CD96: variants seen among roughly 807,000 people sequenced by gnomAD.
CD96 encodes the protein CD96 molecule.
Under a neutral mutation model 71.3 loss-of-function variants are expected in CD96, and 70 were observed. The ratio of observed to expected loss-of-function variants is 0.98; its 90% CI spans 0.81 to 1.20. The LOEUF (loss-of-function observed/expected upper bound fraction) is 1.20, where lower values mean the gene tolerates loss of function less well. CD96 is among the 50% of genes most tolerant of loss of function. CD96 has a pLI of 0.00. For missense variants in CD96, 742 were observed against 677.5 expected, an observed-to-expected ratio of 1.10 and a Z score of -1.06; for synonymous variants, 248 against 233.0, an observed-to-expected ratio of 1.06 and a Z score of -0.59.
At chr3:111,643,810 C>T (rs1939705316) in intron 12 of CD96, among the ~76,000 whole-genome samples, 1 of 149,060 alleles carries the variant, frequency 6.7e-6, no homozygotes, top group Non-Finnish European at 1.5e-5. Flanking sequence ...AGAAAAACTA[C>T]AAAACACTGC....
chr3:111,656,699 C>G (rs1403542243), downstream of CD96, among the ~76,000 whole-genome samples: 1 of 151,952 alleles, frequency 6.6e-6, no homozygotes, highest in Non-Finnish European at 1.5e-5. Context: ...AAGAAAATCT[C>G]TATCAACTGA....
At chr3:111,637,540 T>A (rs929425537) in intron 11 of CD96, among the ~76,000 whole-genome samples, 8 of 152,242 alleles carry the variant, frequency 5.3e-5, no homozygotes, top group Non-Finnish European at 1.0e-4. Flanking sequence ...TCAATTTTTT[T>A]ATTGGAAAAT....
intron 8 of CD96, among the ~76,000 whole-genome samples, chr3:111,616,526 G>A (rs1170572379): frequency 2.0e-5 from 3 of 152,134 alleles, no homozygotes; most frequent in African/African-American, 7.2e-5. Flanking sequence ...TCATGAGTGA[G>A]CTCTTCCGTG....
chr3:111,591,149 C>G (rs529249309), intron 5 of CD96, among the ~76,000 whole-genome samples: 1 of 152,100 alleles, frequency 6.6e-6, no homozygotes, highest in Non-Finnish European at 1.5e-5. Context: ...CCGAGGTGCG[C>G]GGATCATGAG....
chr3:111,628,139 A>G (rs1938870596), intron 10 of CD96, among the ~76,000 whole-genome samples: 1 of 152,162 alleles, frequency 6.6e-6, no homozygotes, highest in African/African-American at 2.4e-5. Flanking sequence ...TAATCTCAAC[A>G]CCTGCCCAGC....
chr3:111,550,854 T>C (rs970565197), intron 2 of CD96, among the ~76,000 whole-genome samples: 3 of 152,142 alleles, frequency 2.0e-5, no homozygotes, highest in Non-Finnish European at 4.4e-5. Context: ...TGGTATGAAA[T>C]GGTAGTGAAA....
rs77951526 is a variant in CD96, at chr3:111,611,407, G to T, written c.1180+4615G>T. Among the ~76,000 whole-genome samples, 349 of 152,338 alleles carry T rather than the reference G, an allele frequency of 2.3e-3. 1 individual carries two copies. Among genetic ancestry groups the T allele is most frequent in the African/African-American group, 8.1e-3 (335 of 41,580 alleles). On this transcript the variant is annotated intron_variant, in intron 8 of 13. Transcript: ENST00000352690. ...ACCCAGAAGACATGTCATTAGATGA[G>T]ATTAGAAGAAAGTAAATCAGAAATT...
intron 7 of CD96, among the ~76,000 whole-genome samples, chr3:111,603,861 C>G (rs539590205): frequency 6.6e-6 from 1 of 152,310 alleles, no homozygotes; most frequent in East Asian, 1.9e-4. Flanking sequence ...AGATGCCAGA[C>G]AAATACTTCC....
chr3:111,544,073 G>T (rs6788797), intron 1 of CD96, among the ~76,000 whole-genome samples: 103,412 of 152,030 alleles, frequency 0.68, 35,507 homozygotes, highest in African/African-American at 0.77. Context: ...ACTTATGAGG[G>T]TTATAGAAAG....
At chr3:111,545,764 G>T (rs940214897) in intron 2 of CD96, among the ~76,000 whole-genome samples, 19 of 152,162 alleles carry the variant, frequency 1.2e-4, no homozygotes, top group African/African-American at 4.6e-4. Context: ...TAATCCCAGA[G>T]AGAGAAAAGA....
At chr3:111,607,005 T>C in intron 8 of CD96, 1 of 607,898 alleles carries the variant, frequency 1.6e-6, no homozygotes, top group Non-Finnish European at 3.0e-6. Context: ...TTTAGTATGT[T>C]CACAGACTTG....
intron 4 of CD96, among the ~76,000 whole-genome samples, chr3:111,583,873 T>C (rs1201655761): frequency 6.6e-6 from 1 of 152,204 alleles, no homozygotes; most frequent in Middle Eastern, 3.2e-3. Context: ...AGGTCTCTGA[T>C]GTGGCCTGGG....
At chr3:111,634,453 G>C (rs1456778369) in intron 10 of CD96, 2 of 152,668 alleles carry the variant, frequency 1.3e-5, no homozygotes, top group Admixed American at 6.5e-5. Context: ...AAGTTTATCA[G>C]TCAAGCTGGT....
intron 7 of CD96, among the ~76,000 whole-genome samples, chr3:111,605,904 T>C (rs1427735356): frequency 6.6e-6 from 1 of 152,238 alleles, no homozygotes; most frequent in African/African-American, 2.4e-5. Flanking sequence ...AGTAACATTA[T>C]ATCTACAAAA....
chr3:111,622,208 A>T (rs1248417079), intron 8 of CD96, among the ~76,000 whole-genome samples: 2 of 152,208 alleles, frequency 1.3e-5, no homozygotes, highest in Non-Finnish European at 2.9e-5. Flanking sequence ...GGAAGAAAGA[A>T]TTAGTTACCT....
At chr3:111,574,101 C>T (rs965348833) in intron 3 of CD96, among the ~76,000 whole-genome samples, 2 of 152,120 alleles carry the variant, frequency 1.3e-5, no homozygotes, top group Admixed American at 6.5e-5. Context: ...GCAATCAATA[C>T]AGTTAACAGC....
intron 12 of CD96, among the ~76,000 whole-genome samples, chr3:111,646,696 C>T (rs1939844385): frequency 1.3e-5 from 2 of 151,936 alleles, no homozygotes; most frequent in East Asian, 3.9e-4. Context: ...CTATTTGATC[C>T]AGCAATCTCA....
intron 3 of CD96, among the ~76,000 whole-genome samples, chr3:111,573,495 A>G (rs1470724325): frequency 6.6e-6 from 1 of 152,274 alleles, no homozygotes; most frequent in Admixed American, 6.5e-5. Flanking sequence ...ATAGTTGGCT[A>G]GCAAAAGACA....
intron 14 of CD96, among the ~76,000 whole-genome samples, chr3:111,658,807 C>T (rs1940290339): frequency 6.6e-6 from 1 of 152,134 alleles, no homozygotes; most frequent in Non-Finnish European, 1.5e-5. Context: ...AAGATATATT[C>T]TATTGTGTCT....
Sources: allele counts gnomAD v4.1 joint callset (sites outside exome capture counted in the v4.1 genomes callset), GRCh38; gene constraint gnomAD v4.1.1; transcripts MANE v1.5; gene names NCBI Gene and HGNC (gene_info 2026-07-23, HGNC 2026-07-21).